The following DNAH7 variants were observed in gnomAD, a reference collection of about 807,000 sequenced individuals.
DNAH7 encodes the protein axonemal beta dynein heavy chain 7.
Under a neutral mutation model 444.6 loss-of-function variants are expected in DNAH7, and 397 were observed. The observed-to-expected ratio is 0.89, with a 90% confidence interval of 0.82 to 0.97. The LOEUF (loss-of-function observed/expected upper bound fraction) is 0.97. Ranked by LOEUF, DNAH7 falls within the 50% of genes least tolerant of loss-of-function variation. DNAH7 has a pLI of 0.00. For missense variants in DNAH7, 4,902 were observed against 4,800.8 expected (o/e 1.02, Z -0.62); for synonymous variants, 1,636 against 1,624.4 (o/e 1.01, Z -0.17).
intron 63 of DNAH7, among the ~76,000 whole-genome samples, chr2:195,751,030 A>G (rs1207987434): frequency 1.3e-5 from 2 of 152,214 alleles, no homozygotes; most frequent in Non-Finnish European, 2.9e-5. Context: ...ATTTTGTTAA[A>G]GCTTATATTA....
Position 196,021,422 on chromosome 2 carries a change from G to A in DNAH7, c.744-2127C>T, listed in dbSNP as rs115045073. 1.5e-3 allele frequency among the ~76,000 whole-genome samples: 229 copies of A among 152,210 alleles called. 1 individual carries two copies. The highest frequency in any genetic ancestry group is 5.1e-3 in the African/African-American group (210 of 41,524). ...AGACCACCCCCATAAGGCAAATATTGCAATTAAGCACGTCACACAAATTTT... is the reference window on the plus strand; with the variant it reads ...AGACCACCCCCATAAGGCAAATATTACAATTAAGCACGTCACACAAATTTT... On this transcript the variant is annotated intron_variant, in intron 8 of 64. Coordinates refer to ENST00000312428, the MANE Select transcript of DNAH7 (RefSeq NM_018897.3).
intron 15 of DNAH7, among the ~76,000 whole-genome samples, chr2:195,978,401 G>T: frequency 6.6e-6 from 1 of 151,656 alleles, no homozygotes; most frequent in African/African-American, 2.4e-5. Flanking sequence ...ACATACAACA[G>T]ACATACAGAA....
chr2:195,788,175 T>C (rs1376004313), intron 57 of DNAH7, among the ~76,000 whole-genome samples: 2 of 152,186 alleles, frequency 1.3e-5, no homozygotes, highest in African/African-American at 4.8e-5. Context: ...CAGAGAGCTG[T>C]AGGCAATAGC....
chr2:195,912,107 A>T (rs2125311533), intron 24 of DNAH7, among the ~76,000 whole-genome samples: 1 of 152,178 alleles, frequency 6.6e-6, no homozygotes, highest in East Asian at 1.9e-4. Context: ...AAAGTTAGAT[A>T]AGAAGACCGT....
intron 21 of DNAH7, among the ~76,000 whole-genome samples, chr2:195,933,898 GTAACAAA>G (rs1000191944): frequency 3.3e-5 from 5 of 151,454 alleles, no homozygotes; most frequent in African/African-American, 9.8e-5. Flanking sequence ...TTAAAGTATA[GTAACAAA>G]TAAAAAATAA....
intron 46 of DNAH7, among the ~76,000 whole-genome samples, chr2:195,847,476 C>T (rs1304109983): frequency 6.6e-6 from 1 of 151,518 alleles, no homozygotes; most frequent in Non-Finnish European, 1.5e-5. Flanking sequence ...GAGCAATAGA[C>T]ACTGGGGCCT....
At chr2:195,772,532 GA>G (rs1016118298) in intron 60 of DNAH7, among the ~76,000 whole-genome samples, 11 of 150,106 alleles carry the variant, frequency 7.3e-5, no homozygotes, top group South Asian at 4.2e-4. Flanking sequence ...TATATTTTCT[GA>G]AAAAAAAATT....
chr2:195,983,231 A>G (rs1317957643), intron 15 of DNAH7, among the ~76,000 whole-genome samples: 2 of 152,226 alleles, frequency 1.3e-5, no homozygotes, highest in Non-Finnish European at 2.9e-5. Context: ...GCAATTAGCT[A>G]GTTGTTTAAC....
rs1487505827 is a variant in DNAH7, at chr2:196,018,295, G to A, written c.869+875C>T. Among the ~76,000 whole-genome samples, 10 of 152,118 alleles carry A rather than the reference G, an allele frequency of 6.6e-5. No individual in the cohort carries two copies. In the East Asian group the frequency reaches 1.9e-3, roughly 29 times the overall value. ...TAATACACATAGTTAGAATTTTAGG[G>A]AAAGAAGTTCTCATTTACTGTTGGT... is the stretch of plus-strand genomic sequence containing the variant. On this transcript the variant is annotated intron_variant, in intron 9 of 64. Coordinates refer to ENST00000312428, the MANE Select transcript of DNAH7 (RefSeq NM_018897.3).
chr2:195,740,946 A>C, intron 63 of DNAH7, 77 bp from the exon 64 acceptor site: 1 of 800,616 alleles, frequency 1.2e-6, no homozygotes, highest in Non-Finnish European at 1.8e-6. Flanking sequence ...AAATTTCTAC[A>C]TGTAAGTACT....
chr2:195,775,648 GA>G (rs35237602), intron 60 of DNAH7, among the ~76,000 whole-genome samples, 197 bp downstream of exon 60: 70,994 of 136,862 alleles, frequency 0.52, 17,860 homozygotes, highest in Non-Finnish European at 0.61. Flanking sequence ...AAAGATAGAT[GA>G]AAAAAAAAAA....
intron 24 of DNAH7, among the ~76,000 whole-genome samples, chr2:195,910,563 G>C (rs1687297727): frequency 6.6e-6 from 1 of 152,106 alleles, no homozygotes; most frequent in South Asian, 2.1e-4. Context: ...ATTTTTGAAA[G>C]AATGAAAAGA....
intron 1 of DNAH7, among the ~76,000 whole-genome samples, chr2:196,065,810 G>C (rs1221939970): frequency 1.3e-5 from 2 of 152,184 alleles, no homozygotes; most frequent in African/African-American, 4.8e-5. Context: ...GCATCCTACT[G>C]TCCTACTGCT....
intron 15 of DNAH7, among the ~76,000 whole-genome samples, chr2:195,975,975 T>G (rs1484512265): frequency 6.6e-6 from 1 of 152,042 alleles, no homozygotes; most frequent in African/African-American, 2.4e-5. Flanking sequence ...TCAGGTGTGA[T>G]CTGGCACATT....
Position 195,917,286 on chromosome 2 carries a change from A to G in DNAH7, c.3935+4802T>C, listed in dbSNP as rs997925171. Among the ~76,000 whole-genome samples the G allele has an allele frequency of 5.9e-5, 9 of 152,028 alleles. 1 individual carries two copies. Among genetic ancestry groups the G allele is most frequent in the African/African-American group, 2.2e-4 (9 of 41,406 alleles). On this transcript the variant is annotated intron_variant, in intron 24 of 64. Coordinates refer to ENST00000312428, the MANE Select transcript of DNAH7 (RefSeq NM_018897.3). ...TGAGAGAGTCAAATGGCGGAGTTTGACAGGTATATGATCTCCTAGGGACAT... is the reference window on the plus strand; with the variant it reads ...TGAGAGAGTCAAATGGCGGAGTTTGGCAGGTATATGATCTCCTAGGGACAT...
At chr2:195,976,283 G>A (rs1692179738) in intron 15 of DNAH7, among the ~76,000 whole-genome samples, 1 of 152,166 alleles carries the variant, frequency 6.6e-6, no homozygotes, top group South Asian at 2.1e-4. Flanking sequence ...ATTGGCTGTG[G>A]CCTGGCAATA....
intron 58 of DNAH7, among the ~76,000 whole-genome samples, chr2:195,778,634 AAATAAAT>A (rs1695199348): frequency 7.1e-5 from 1 of 14,056 alleles, no homozygotes; most frequent in African/African-American, 2.7e-4. Flanking sequence ...AAAAAAAAAT[AAATAAAT>A]AAATATATAT....
Position 195,737,788 on chromosome 2 carries a change from A to AT in DNAH7, c.*132dup. On this transcript the variant is annotated 3_prime_UTR_variant, in exon 65 of 65. Coordinates refer to ENST00000312428, the MANE Select transcript of DNAH7 (RefSeq NM_018897.3). ...ATATTAAGTTTAGCTGCATTTGCTC[A>AT]TAAGTAAATTCATAATTATAACTTT... 4 of 753,738 alleles carry AT rather than the reference A, an allele frequency of 5.3e-6. No homozygotes were observed. In the East Asian group the frequency reaches 1.1e-4, roughly 20 times the overall value. 46.7% of individuals were successfully genotyped at this position (753,738 alleles called of 1,614,324 possible). A position where few individuals can be genotyped will look rare whatever the true frequency, so the allele number is the denominator to read the frequency against.
At chr2:195,792,394 TAC>T (rs59046004) in intron 57 of DNAH7, among the ~76,000 whole-genome samples, 7,048 of 117,166 alleles carry the variant, frequency 0.06, 277 homozygotes, top group East Asian at 0.13. Context: ...AACCAAAAAA[TAC>T]ACACACACAC....
Sources: allele counts gnomAD v4.1 joint callset (sites outside exome capture counted in the v4.1 genomes callset), GRCh38; gene constraint gnomAD v4.1.1; transcripts MANE v1.5; gene names NCBI Gene and HGNC (gene_info 2026-07-23, HGNC 2026-07-21).